PCDHGB1: variants seen among roughly 807,000 people sequenced by gnomAD.
The protein encoded by PCDHGB1 is protocadherin gamma subfamily B, 1.
A neutral mutation model predicts 56.6 loss-of-function variants in PCDHGB1; 34 were observed. The observed-to-expected ratio is 0.60, with a 90% CI of 0.46 to 0.80. The LOEUF (loss-of-function observed/expected upper bound fraction) is 0.80. Among genes scored for constraint, PCDHGB1 ranks in the 30% least tolerant of loss-of-function variants. The probability of loss-of-function intolerance (pLI) is 0.00; values close to 1 mark genes in which losing one functional copy is unlikely to be tolerated. For synonymous variants in PCDHGB1, 561 were observed against 505.9 expected (o/e 1.11, Z -1.46); for missense variants, 1,278 against 1,204.6 (o/e 1.06, Z -0.90).
chr5:141,495,642 C>T (rs1294293252), intron 2 of PCDHGB1, among the ~76,000 whole-genome samples: 1 of 152,208 alleles, frequency 6.6e-6, no homozygotes. Flanking sequence ...TTTCATTTGT[C>T]TACTTGCATT....
intron 1 of PCDHGB1, among the ~76,000 whole-genome samples, chr5:141,420,713 G>GT (rs1303648273): frequency 3.3e-5 from 5 of 152,078 alleles, no homozygotes; most frequent in African/African-American, 1.2e-4. Context: ...CAGAAATGTC[G>GT]TTCCTTTCAG....
intron 1 of PCDHGB1, chr5:141,383,716 G>A (rs1012308132): frequency 6.2e-7 from 1 of 1,614,012 alleles, no homozygotes; most frequent in Non-Finnish European, 8.5e-7. Context: ...GGACGAGGGA[G>A]TCAATGGGGA....
chr5:141,371,143 A>G (rs199674539), intron 1 of PCDHGB1: 355 of 1,613,904 alleles, frequency 2.2e-4, no homozygotes, highest in Middle Eastern at 4.9e-4. Flanking sequence ...TACAGGGTCA[A>G]TGTTGCAGAG....
At chr5:141,365,453 G>A (rs1370392916) in intron 1 of PCDHGB1, 1 of 1,613,902 alleles carries the variant, frequency 6.2e-7, no homozygotes, top group Non-Finnish European at 8.5e-7. Context: ...ACATGATGGT[G>A]ATTCTGGAGA....
chr5:141,405,141 A>T (rs749502643), intron 1 of PCDHGB1: 4 of 1,613,862 alleles, frequency 2.5e-6, no homozygotes, highest in African/African-American at 1.3e-5. Flanking sequence ...GCTACCAGTG[A>T]TGGGTTGGCT....
chr5:141,444,406 G>A (rs1296878411), intron 1 of PCDHGB1, among the ~76,000 whole-genome samples: 1 of 151,874 alleles, frequency 6.6e-6, no homozygotes, highest in Non-Finnish European at 1.5e-5. Context: ...CCCAACCTCA[G>A]GTGATCTTCC....
At chr5:141,381,826 C>CTTTTTTTTTTTTT (rs770630741) in intron 1 of PCDHGB1, among the ~76,000 whole-genome samples, 10 of 74,294 alleles carry the variant, frequency 1.3e-4, no homozygotes, top group Non-Finnish European at 1.9e-4. Context: ...CTTTCTTCTT[C>CTTTTTTTTTTTTT]TTTTTTTTTT....
At chr5:141,426,898 C>T (rs1246109323) in intron 1 of PCDHGB1, 1 of 456,634 alleles carries the variant, frequency 2.2e-6, no homozygotes, top group African/African-American at 2.0e-5. Flanking sequence ...CAACAGAGCT[C>T]TCATCTCCTG....
intron 1 of PCDHGB1, chr5:141,423,496 G>A (rs1049120602): frequency 1.2e-6 from 2 of 1,613,804 alleles, no homozygotes; most frequent in African/African-American, 1.3e-5. Flanking sequence ...CTATTCCCAC[G>A]AGGTCTCTCT....
chr5:141,385,095 G>A (rs1780850874), intron 1 of PCDHGB1: 9 of 1,614,202 alleles, frequency 5.6e-6, no homozygotes, highest in East Asian at 4.5e-5. Context: ...AAGGTGGCTT[G>A]GCGAACGTGC....
At chr5:141,366,007 G>T (rs764457320) in intron 1 of PCDHGB1, 1 of 1,614,058 alleles carries the variant, frequency 6.2e-7, no homozygotes, top group Non-Finnish European at 8.5e-7. Flanking sequence ...ACGACAATAC[G>T]CCTGAGATCC....
At chr5:141,365,475 T>TG in intron 1 of PCDHGB1, 2 of 1,613,978 alleles carry the variant, frequency 1.2e-6, no homozygotes, top group Non-Finnish European at 8.5e-7. Context: ...AATGGTGAGA[T>TG]TGCATGCTCT....
chr5:141,350,732 G>A lies in PCDHGB1; in HGVS notation c.472G>A (p.Asp158Asn). The A allele has an allele frequency of 6.2e-7, 1 of 1,613,968 alleles. No homozygotes were observed. The highest frequency in any genetic ancestry group is 1.1e-5 in the South Asian group (1 of 91,090). Residue 158 changes from aspartate (D) to asparagine (N), a missense_variant, in exon 1 of 4, where the codon GAT (aspartate) becomes AAT (asparagine). Asp to Asn is a conservative substitution (Grantham distance 23). Coordinates refer to ENST00000523390, the MANE Select transcript of PCDHGB1 (RefSeq NM_018922.3). The stretch of plus-strand genomic sequence containing the variant: ...CTCTCTGGATTCTGCTCAAGATGCA[G>A]ATGTGGAAGGCAATTCACTGAAGTT... ...KFSLDSAQDA[D>N]VEGNSLKLYT...
intron 1 of PCDHGB1, among the ~76,000 whole-genome samples, chr5:141,475,299 T>C (rs1227132122): frequency 6.6e-6 from 1 of 152,204 alleles, no homozygotes; most frequent in Non-Finnish European, 1.5e-5. Context: ...AAATTTCTTA[T>C]TGCTCCCTGG....
Position 141,427,950 on chromosome 5 carries a change from A to C in PCDHGB1, c.2410-66857A>C, listed in dbSNP as rs773336611. The stretch of plus-strand genomic sequence containing the variant: ...CATGTTGGTGGGCGACCTCAATGAC[A>C]ATGTGCCGCGGGTGCTGTACCCCGC... On this transcript the variant is annotated intron_variant, in intron 1 of 3. Transcript: ENST00000523390. 7 of 1,586,816 alleles carry C rather than the reference A, an allele frequency of 4.4e-6. No individual in the cohort carries two copies. The African/African-American group carries it at 8.1e-5, about 18-fold the overall frequency.
chr5:141,384,282 C>T (rs1230546899), intron 1 of PCDHGB1: 3 of 1,613,858 alleles, frequency 1.9e-6, no homozygotes, highest in African/African-American at 1.3e-5. Flanking sequence ...CAGTCTACAT[C>T]GCTGAGAACA....
At chr5:141,418,655 G>A in intron 1 of PCDHGB1, 5 of 1,614,002 alleles carry the variant, frequency 3.1e-6, no homozygotes, top group Non-Finnish European at 4.2e-6. Flanking sequence ...GAGAGTGAAG[G>A]CCACTGACCA....
chr5:141,440,997 A>G (rs1191545127), intron 1 of PCDHGB1: 1 of 152,178 alleles, frequency 6.6e-6, no homozygotes, highest in East Asian at 1.9e-4. Context: ...ACCCATATCT[A>G]GTTTGGCCTT....
chr5:141,415,690 G>C (rs1218128531), intron 1 of PCDHGB1: 4 of 1,512,972 alleles, frequency 2.6e-6, no homozygotes, highest in Non-Finnish European at 3.6e-6. Context: ...CATGATGGTG[G>C]AAAGTGTAAA....
Sources: allele counts gnomAD v4.1 joint callset (sites outside exome capture counted in the v4.1 genomes callset), GRCh38; gene constraint gnomAD v4.1.1; transcripts MANE v1.5; gene names NCBI Gene and HGNC (gene_info 2026-07-23, HGNC 2026-07-21).